Variants in DOCK1 observed in about 807,000 individuals in gnomAD.
DOCK1 encodes the protein dedicator of cytokinesis 1.
In DOCK1, 138 loss-of-function variants were observed where a neutral mutation model predicts 262.7. The observed-to-expected ratio is 0.53, with a 90% confidence interval of 0.46 to 0.61. The LOEUF (loss-of-function observed/expected upper bound fraction) is 0.61, where lower values mean the gene tolerates loss of function less well. Among genes scored for constraint, DOCK1 ranks in the 20% least tolerant of loss-of-function variants. The pLI is 0.00. For synonymous variants in DOCK1, 866 were observed against 867.4 expected (o/e 1.00, Z 0.03); for missense variants, 1,908 against 2,370.7 (o/e 0.80, Z 4.05).
intron 22 of DOCK1, among the ~76,000 whole-genome samples, chr10:127,053,351 A>G (rs972386240): frequency 1.3e-5 from 2 of 152,176 alleles, no homozygotes; most frequent in East Asian, 3.9e-4. Context: ...CAAAAACAAA[A>G]TAAATAAATA....
At chr10:127,131,892 T>C (rs1420358882) in intron 27 of DOCK1, among the ~76,000 whole-genome samples, 1 of 152,248 alleles carries the variant, frequency 6.6e-6, no homozygotes, top group African/African-American at 2.4e-5. Context: ...ATTATGTAAC[T>C]ATGAATCAGC....
At chr10:127,035,729 C>T (rs1335036011) in intron 18 of DOCK1, among the ~76,000 whole-genome samples, 1 of 152,044 alleles carries the variant, frequency 6.6e-6, no homozygotes, top group Non-Finnish European at 1.5e-5. Flanking sequence ...AGACATGTTG[C>T]CCAGGTGCAG....
intron 22 of DOCK1, among the ~76,000 whole-genome samples, chr10:127,056,922 C>T (rs941514307): frequency 5.9e-5 from 9 of 152,150 alleles, no homozygotes; most frequent in East Asian, 1.9e-4. Context: ...GAATATTGGA[C>T]GGTAGGGCAG....
chr10:127,397,488 G>A (rs987774931), intron 38 of DOCK1, among the ~76,000 whole-genome samples: 3 of 149,736 alleles, frequency 2.0e-5, no homozygotes, highest in South Asian at 2.1e-4. Context: ...TGAGTTACAC[G>A]GGCAGCAACT....
chr10:126,941,791 A>G (rs962220730), intron 1 of DOCK1, among the ~76,000 whole-genome samples: 3 of 152,040 alleles, frequency 2.0e-5, no homozygotes, highest in African/African-American at 7.2e-5. Context: ...AACAAAAAAA[A>G]CAGCATTTGT....
chr10:127,101,251 TGAGAA>T (rs2048228513), intron 23 of DOCK1, among the ~76,000 whole-genome samples: 1 of 151,760 alleles, frequency 6.6e-6, no homozygotes, highest in African/African-American at 2.4e-5. Context: ...GGGTCAGGCT[TGAGAA>T]GAGCAAAGAA....
At chr10:127,261,033 ATG>A (rs1200807037) in intron 29 of DOCK1, among the ~76,000 whole-genome samples, 1 of 33,742 alleles carries the variant, frequency 3.0e-5, no homozygotes, top group Non-Finnish European at 5.6e-5. Context: ...GGGTGTCTGT[ATG>A]TGTGTACCCG....
intron 29 of DOCK1, among the ~76,000 whole-genome samples, chr10:127,264,518 G>GA (rs759057747): frequency 1.3e-5 from 2 of 152,160 alleles, no homozygotes; most frequent in Non-Finnish European, 1.5e-5. Flanking sequence ...AAATTGTAGA[G>GA]AAAACGATGC....
At chr10:127,308,805 A>G (rs1469925563) in intron 29 of DOCK1, among the ~76,000 whole-genome samples, 2 of 152,144 alleles carry the variant, frequency 1.3e-5, no homozygotes, top group Non-Finnish European at 2.9e-5. Flanking sequence ...CGTGGTGTAT[A>G]TGTGCCACAT....
At chr10:127,040,003 G>A (rs532603418) in intron 19 of DOCK1, among the ~76,000 whole-genome samples, 4 of 152,098 alleles carry the variant, frequency 2.6e-5, no homozygotes, top group Admixed American at 1.3e-4. Context: ...CTGCAGCTCC[G>A]CAGCCCAATA....
intron 1 of DOCK1, among the ~76,000 whole-genome samples, chr10:126,911,586 G>A (rs1265843981): frequency 1.3e-5 from 2 of 152,166 alleles, no homozygotes; most frequent in African/African-American, 2.4e-5. Flanking sequence ...GAGGAAATGA[G>A]GAGGCGCCCG....
intron 27 of DOCK1, among the ~76,000 whole-genome samples, chr10:127,149,452 G>T (rs1449131368): frequency 6.6e-6 from 1 of 152,158 alleles, no homozygotes; most frequent in Non-Finnish European, 1.5e-5. Context: ...TTTTCACAGA[G>T]AAATATGTAC....
intron 32 of DOCK1, among the ~76,000 whole-genome samples, chr10:127,357,001 C>T (rs141797499): frequency 2.6e-5 from 4 of 152,246 alleles, no homozygotes; most frequent in East Asian, 3.9e-4. Context: ...TAATTAGAGA[C>T]ACCACCCTAG....
At chr10:127,406,845 C>T (rs2067544519) in intron 40 of DOCK1, among the ~76,000 whole-genome samples, 1 of 152,112 alleles carries the variant, frequency 6.6e-6, no homozygotes, top group Admixed American at 6.5e-5. Flanking sequence ...TCTTTATATA[C>T]ATTTTTATTA....
At position 127,402,827 on chromosome 10, in the gene DOCK1, C is replaced by T. The variant is rs143641331; in HGVS notation, c.3928-228C>T. On this transcript the variant is annotated intron_variant, in intron 38 of 51. Coordinates refer to ENST00000623213, the MANE Select transcript of DOCK1 (RefSeq NM_001290223.2). ...TGCTGTTACCATGGCCAGAGGCCTG[C>T]GTGATTGACATGCCAGTGATTGACC... 996 of 639,830 alleles carry T rather than the reference C, an allele frequency of 1.6e-3. 4 individuals carry two copies. The highest frequency in any genetic ancestry group is 2.5e-3 in the Non-Finnish European group (864 of 340,492). The allele number at this position is 639,830 out of a possible 1,614,324, so 39.6% of individuals were successfully genotyped here. A position where few individuals can be genotyped will look rare whatever the true frequency, so the allele number is the denominator to read the frequency against.
intron 29 of DOCK1, chr10:127,257,654 C>T (rs2059874909): frequency 2.6e-6 from 1 of 387,328 alleles, no homozygotes; most frequent in Non-Finnish European, 4.8e-6. Flanking sequence ...AGCTCCGTCC[C>T]CTGGAGAAAA....
At chr10:127,020,702 T>A (rs1419529799) in intron 13 of DOCK1, among the ~76,000 whole-genome samples, 3 of 152,208 alleles carry the variant, frequency 2.0e-5, no homozygotes, top group African/African-American at 7.2e-5. Context: ...GAAGTGATTC[T>A]AGCTTGGGTG....
chr10:126,945,240 A>G (rs2035304418), intron 1 of DOCK1, among the ~76,000 whole-genome samples: 1 of 151,900 alleles, frequency 6.6e-6, no homozygotes, highest in Non-Finnish European at 1.5e-5. Context: ...GAGTCATTTC[A>G]GGGTCTTACT....
chr10:127,152,655 C>T (rs888884697), intron 27 of DOCK1, among the ~76,000 whole-genome samples: 2 of 152,354 alleles, frequency 1.3e-5, no homozygotes, highest in East Asian at 3.9e-4. Context: ...CAGCAGCATT[C>T]CTGGCCTCTA....
Sources: gnomAD v4.1 joint callset for allele counts (sites outside exome capture counted in the v4.1 genomes callset) on GRCh38, gnomAD v4.1.1 for gene constraint, MANE v1.5 for transcripts, NCBI Gene and HGNC (gene_info 2026-07-23, HGNC 2026-07-21) for gene names.